The following CLASP1 variants were observed in gnomAD, a reference collection of about 807,000 sequenced individuals.
The protein encoded by CLASP1 is CLIP-associating protein 1.
Under a neutral mutation model 192.3 loss-of-function variants are expected in CLASP1, and 38 were observed. The observed-to-expected ratio is 0.20, with a 90% CI of 0.15 to 0.26. The LOEUF (loss-of-function observed/expected upper bound fraction) is 0.26. Among genes scored for constraint, CLASP1 ranks in the 10% least tolerant of loss-of-function variants. The pLI is 1.00. For synonymous variants in CLASP1, 691 were observed against 712.8 expected (o/e 0.97, Z 0.49); for missense variants, 1,433 against 1,932.5 (o/e 0.74, Z 4.85).
At chr2:121,609,253 A>T (rs1178992669) in intron 1 of CLASP1, among the ~76,000 whole-genome samples, 1 of 152,182 alleles carries the variant, frequency 6.6e-6, no homozygotes, top group East Asian at 1.9e-4. Context: ...TATATATCAT[A>T]AGAAAACCTC....
chr2:121,630,381 AACACACACACACACACACACACAC>A (rs60827939), intron 1 of CLASP1, among the ~76,000 whole-genome samples: 2 of 138,966 alleles, frequency 1.4e-5, no homozygotes, highest in Admixed American at 7.3e-5. Context: ...ATTGGAAAGA[AACACACACACACACACACACACAC>A]ACACACACAC....
intron 5 of CLASP1, 120 bp downstream of exon 5, chr2:121,527,678 AG>A: frequency 1.4e-6 from 1 of 707,690 alleles, no homozygotes; most frequent in Non-Finnish European, 2.4e-6. Context: ...GGGTGGGTAA[AG>A]GGGGCATGAG....
intron 14 of CLASP1, among the ~76,000 whole-genome samples, chr2:121,452,560 G>A (rs2085712091): frequency 6.6e-6 from 1 of 152,160 alleles, no homozygotes; most frequent in Non-Finnish European, 1.5e-5. Context: ...GGAGGCCAAG[G>A]CGGGCGGATC....
At chr2:121,623,409 C>T (rs889373295) in intron 1 of CLASP1, among the ~76,000 whole-genome samples, 4 of 152,148 alleles carry the variant, frequency 2.6e-5, no homozygotes, top group East Asian at 1.9e-4. Flanking sequence ...AGAATTCTTC[C>T]GATATGTTGC....
intron 19 of CLASP1, among the ~76,000 whole-genome samples, chr2:121,439,252 T>C (rs1321822630): frequency 6.6e-6 from 1 of 152,226 alleles, no homozygotes; most frequent in Non-Finnish European, 1.5e-5. Context: ...AGTCTATCAA[T>C]TTTGTTGATC....
At chr2:121,375,321 G>A (rs1258624170) in intron 34 of CLASP1, among the ~76,000 whole-genome samples, 1 of 150,692 alleles carries the variant, frequency 6.6e-6, no homozygotes, top group Non-Finnish European at 1.5e-5. Context: ...GGAACTGTGA[G>A]TCAACTAAAC....
intron 15 of CLASP1, 134 bp from the exon 16 acceptor site, chr2:121,451,124 C>T (rs2085383873): frequency 1.6e-6 from 1 of 642,834 alleles, no homozygotes; most frequent in Non-Finnish European, 2.7e-6. Context: ...TCAGTTCCCA[C>T]GTGGCTGGGC....
chr2:121,353,420 A>AT (rs1392940566), intron 37 of CLASP1, among the ~76,000 whole-genome samples: 3 of 152,148 alleles, frequency 2.0e-5, no homozygotes, highest in Non-Finnish European at 4.4e-5. Context: ...CATGATGGGT[A>AT]TGCCCTCTCC....
At chr2:121,546,099 C>T (rs1282940495) in intron 2 of CLASP1, among the ~76,000 whole-genome samples, 1 of 152,126 alleles carries the variant, frequency 6.6e-6, no homozygotes. Flanking sequence ...TTTCACATCC[C>T]ACCCCAACAC....
At chr2:121,644,396 T>C (rs943772348) in intron 1 of CLASP1, among the ~76,000 whole-genome samples, 5 of 148,948 alleles carry the variant, frequency 3.4e-5, no homozygotes, top group African/African-American at 1.2e-4. Flanking sequence ...ACACCTGCAA[T>C]CCCAGCACTT....
At chr2:121,492,674 T>TAAA (rs200482614) in intron 8 of CLASP1, among the ~76,000 whole-genome samples, 11 of 123,854 alleles carry the variant, frequency 8.9e-5, no homozygotes, top group Non-Finnish European at 1.9e-5. Context: ...TTAAAAAAAA[T>TAAA]AAAAAAAAAA....
chr2:121,451,747 G>C, intron 15 of CLASP1, 43 bp downstream of exon 15: 1 of 1,491,520 alleles, frequency 6.7e-7, no homozygotes, highest in Non-Finnish European at 9.2e-7. Context: ...TCACTCTAAA[G>C]GCTCAATTCA....
At position 121,422,396 on chromosome 2, in the gene CLASP1, C is replaced by T. The variant is rs771084073; in HGVS notation, c.2212+2743G>A. Among the ~76,000 whole-genome samples, 177 of 152,214 alleles carry T rather than the reference C, an allele frequency of 1.2e-3. 2 individuals are homozygous for T. Among genetic ancestry groups the T allele is most frequent in the Non-Finnish European group, 3.1e-4 (21 of 67,998 alleles). On this transcript the variant is annotated intron_variant, in intron 22 of 39. Transcript: ENST00000263710. ...AAACCTTAACATTTAAAATACACAT[C>T]CACAGAATGAAAGCTGCAAAAATGT...
In CLASP1 at chr2:121,397,120, G is replaced by A. The variant is rs533637730; in HGVS notation, c.3123+20C>T. The A allele has an allele frequency of 1.6e-5, 25 of 1,611,934 alleles. No individual in the cohort carries two copies. The highest frequency in any genetic ancestry group is 1.1e-4 in the East Asian group (5 of 44,872). On this transcript the variant is annotated intron_variant, in intron 30 of 39. Coordinates refer to ENST00000263710, the Ensembl canonical transcript of CLASP1. ...GCCCAGGAACAATCTGTAATTACACGTCGGTTCTCTTGGACATACCTTTCT... is the reference window on the plus strand; with the variant it reads ...GCCCAGGAACAATCTGTAATTACACATCGGTTCTCTTGGACATACCTTTCT...
chr2:121,436,599 C>T (rs1253956570), intron 19 of CLASP1, among the ~76,000 whole-genome samples: 2 of 151,736 alleles, frequency 1.3e-5, no homozygotes, highest in East Asian at 1.9e-4. Context: ...TAAGCAGAGA[C>T]GGGGTTTCAC....
chr2:121,478,703 A>C (rs1575268035), intron 8 of CLASP1, among the ~76,000 whole-genome samples: 8 of 41,126 alleles, frequency 1.9e-4, no homozygotes, highest in Admixed American at 6.3e-4. Flanking sequence ...ACACAACCAC[A>C]CCCCACACAC....
chr2:121,508,258 T>C (rs570805874), intron 7 of CLASP1, among the ~76,000 whole-genome samples: 1 of 152,094 alleles, frequency 6.6e-6, no homozygotes, highest in African/African-American at 2.4e-5. Flanking sequence ...CAGAGCTAAG[T>C]AGAAGTTTTT....
chr2:121,601,171 G>A (rs1252586951), intron 2 of CLASP1, among the ~76,000 whole-genome samples: 2 of 152,128 alleles, frequency 1.3e-5, no homozygotes, highest in African/African-American at 4.8e-5. Flanking sequence ...TAGAAAAAGT[G>A]GTGGAGTTGT....
At chr2:121,364,009 C>A (rs1018565277) in intron 36 of CLASP1, 1 of 152,212 alleles carries the variant, frequency 6.6e-6, no homozygotes, top group Non-Finnish European at 1.5e-5. Context: ...CACTTTATCT[C>A]CCAACAGAGC....
Sources: allele counts gnomAD v4.1 joint callset (sites outside exome capture counted in the v4.1 genomes callset), GRCh38; gene constraint gnomAD v4.1.1; transcripts MANE v1.5; gene names NCBI Gene and HGNC (gene_info 2026-07-23, HGNC 2026-07-21).